The following SLC12A5 variants were observed in gnomAD, a reference collection of about 807,000 sequenced individuals.
The protein encoded by SLC12A5 is K-Cl cotransporter 2.
Under a neutral mutation model 124.0 loss-of-function variants are expected in SLC12A5, and 18 were observed. That is an observed-to-expected ratio of 0.15 (90% confidence interval 0.10 to 0.22). The LOEUF is 0.22. SLC12A5 is among the 10% of genes least tolerant of loss of function. SLC12A5 has a pLI of 1.00. For missense variants in SLC12A5, 867 were observed against 1,478.7 expected, an observed-to-expected ratio of 0.59 and a Z score of 6.78; for synonymous variants, 589 against 568.0, an observed-to-expected ratio of 1.04 and a Z score of -0.53.
chr20:46,032,100 G>T (rs1273156359), intron 1 of SLC12A5, among the ~76,000 whole-genome samples: 1 of 152,224 alleles, frequency 6.6e-6, no homozygotes. Context: ...TCATCTCCTG[G>T]CCCGGATCCG....
chr20:46,041,252 G>A, intron 7 of SLC12A5, 77 bp from the exon 8 acceptor site: 2 of 1,287,126 alleles, frequency 1.6e-6, no homozygotes, highest in Non-Finnish European at 2.2e-6. Flanking sequence ...TGTTTAAAAG[G>A]TCTCCCGGTG....
rs145033801 is a variant in SLC12A5 at position 46,034,988 on chromosome 20, C to T, written c.93C>T (p.Ser31=). The T allele has an allele frequency of 1.0e-4, 161 of 1,614,044 alleles. No homozygotes were observed. The African/African-American group carries it at 1.7e-3, about 18-fold the overall frequency. ...AGGAAAGCAGTCCCTTCATCAACAG[C>T]ACCGACACAGAGAAGGGAAAGGAGT... is the stretch of plus-strand genomic sequence containing the variant. ...NPKESSPFIN[S]TDTEKGKEYD... Residue 31 remains serine (S), a synonymous_variant, in exon 2 of 26, where the codon AGC becomes AGT. Transcript: ENST00000243964.
chr20:46,048,878 A>G (rs111596880), intron 16 of SLC12A5, among the ~76,000 whole-genome samples: 15 of 149,212 alleles, frequency 1.0e-4, no homozygotes, highest in Admixed American at 1.3e-4. Context: ...AAAAAAAAAA[A>G]GGGGGAAATT....
chr20:46,035,948 AC>A, intron 4 of SLC12A5, 25 bp downstream of exon 4: 3 of 1,588,348 alleles, frequency 1.9e-6, no homozygotes, highest in South Asian at 1.1e-5. Context: ...TCCCCTCACC[AC>A]CCCCTGACAG....
rs1472944643 is a variant in SLC12A5 at position 46,047,889 on chromosome 20, G to A, written c.1908-92G>A. 4 of 1,216,958 alleles carry A rather than the reference G, an allele frequency of 3.3e-6. No homozygotes were observed. In the African/African-American group the frequency reaches 6.0e-5, roughly 18 times the overall value. The allele number at this position is 1,216,958 out of a possible 1,614,324, so 75.4% of individuals were successfully genotyped here. A position where few individuals can be genotyped will look rare whatever the true frequency, so the allele number is the denominator to read the frequency against. On this transcript the variant is annotated intron_variant, in intron 15 of 25. Transcript: ENST00000243964. ...ATGTCCTTTCTGAGCCTGAGAGATG[G>A]CTCTGCCCTGGGGTAGCTGGTGCAG... is the stretch of plus-strand genomic sequence containing the variant.
chr20:46,025,535 C>T (rs1267329679), upstream of SLC12A5, among the ~76,000 whole-genome samples: 1 of 152,112 alleles, frequency 6.6e-6, no homozygotes, highest in African/African-American at 2.4e-5. Context: ...CTCAGTTCTC[C>T]AGGTGGGGTG....
upstream of SLC12A5, chr20:46,029,155 GGC>G: frequency 2.1e-6 from 3 of 1,404,882 alleles, no homozygotes; most frequent in East Asian, 2.8e-5. Context: ...GCTGAGAGGG[GGC>G]GCGCGCGGGT....
chr20:46,029,965 G>A (rs1347663898), intron 1 of SLC12A5, among the ~76,000 whole-genome samples: 3 of 151,016 alleles, frequency 2.0e-5, no homozygotes, highest in African/African-American at 4.9e-5. Context: ...CCATATGACA[G>A]CCCCCCGTCC....
chr20:46,047,379 C>T, intron 14 of SLC12A5, 75 bp from the exon 15 acceptor site: 1 of 1,577,452 alleles, frequency 6.3e-7, no homozygotes, highest in East Asian at 2.2e-5. Context: ...CCCCATCTCC[C>T]TCTTGCTTTC....
rs921825005 is a variant in SLC12A5, at chr20:46,045,062, G to A, written c.1491G>A (p.Gly497=). Residue 497 remains glycine, a synonymous_variant, in exon 12 of 26, where the codon GGG becomes GGA. Transcript: ENST00000243964. This position sits in a 1 kb window ranked among gnomAD's most constrained non-coding sequence, Gnocchi z 4.9. ...IVIGSFFSTC[G]AGLQSLTGAP... ...TCGGATCCTTCTTCTCCACCTGTGG[G>A]GCTGGGCTGCAGAGCCTCACGGGGG... 1 of 1,613,858 alleles carries A rather than the reference G, an allele frequency of 6.2e-7. No homozygotes were observed. The highest frequency in any genetic ancestry group is 1.3e-5 in the African/African-American group (1 of 74,936).
intron 11 of SLC12A5, 38 bp from the exon 12 acceptor site, chr20:46,044,928 C>T (rs369882995): frequency 4.5e-4 from 722 of 1,612,656 alleles, no homozygotes; most frequent in Non-Finnish European, 5.8e-4. Flanking sequence ...ATCCAGGCAG[C>T]ACTGCTCACC....
intron 16 of SLC12A5, among the ~76,000 whole-genome samples, chr20:46,049,260 G>A (rs1423511615): frequency 2.6e-5 from 4 of 152,192 alleles, no homozygotes; most frequent in Non-Finnish European, 5.9e-5. Context: ...ATGGGTAGAT[G>A]GATAAGTTTA....
At chr20:46,031,844 G>C (rs890123880) in intron 1 of SLC12A5, among the ~76,000 whole-genome samples, 20 of 152,174 alleles carry the variant, frequency 1.3e-4, no homozygotes, top group African/African-American at 4.8e-4. Context: ...CGCGCCGCTC[G>C]GCGCTCCCGC....
intron 18 of SLC12A5, 30 bp downstream of exon 18, chr20:46,051,900 AGGGGTGGGGCT>A: frequency 4.5e-6 from 1 of 221,776 alleles, no homozygotes; most frequent in East Asian, 9.2e-5. Context: ...GGGACAGAAG[AGGGGTGGGGCT>A]GGGGGCTGTA....
At position 46,022,065 on chromosome 20, in the gene SLC12A5, GCA is replaced by G. The variant is rs529953218; in HGVS notation, c.48+180_48+181del. The G allele has an allele frequency of 4.5e-4, 333 of 747,584 alleles. 10 individuals carry two copies. The South Asian group carries it at 8.6e-3, about 19-fold the overall frequency. 46.3% of individuals were successfully genotyped at this position (747,584 alleles called of 1,614,324 possible). ...AACCAAGGGGCCGGGGCCGCGGAACGCAAAGTGTGGAGGGGGAGGGGCCAAAC... is the reference window on the plus strand; with the variant it reads ...AACCAAGGGGCCGGGGCCGCGGAACGAAGTGTGGAGGGGGAGGGGCCAAAC... On this transcript the variant is annotated intron_variant, in intron 1 of 2. Coordinates refer to the SLC12A5 transcript ENST00000413737.
chr20:46,023,610 C>T (rs1384135490), downstream of SLC12A5: 2 of 396,426 alleles, frequency 5.0e-6, no homozygotes, highest in African/African-American at 4.1e-5. Flanking sequence ...TCATTTGCTT[C>T]TGGTGTTCTT....
upstream of SLC12A5, chr20:46,029,152 G>T (rs1600585665): frequency 7.1e-7 from 1 of 1,403,562 alleles, no homozygotes; most frequent in Non-Finnish European, 9.2e-7. Flanking sequence ...GCTGCTGAGA[G>T]GGGGCGCGCG....
intron 3 of SLC12A5, 46 bp downstream of exon 3, chr20:46,035,581 G>C (rs368235760): frequency 3.2e-6 from 5 of 1,574,160 alleles, no homozygotes; most frequent in Middle Eastern, 2.0e-4. Flanking sequence ...GGACGGATGG[G>C]GGGTGGGGGA....
chr20:46,050,178 G>T (rs2084635461), intron 17 of SLC12A5, among the ~76,000 whole-genome samples: 1 of 152,360 alleles, frequency 6.6e-6, no homozygotes, highest in South Asian at 2.1e-4. Flanking sequence ...ACAGTCTGGG[G>T]TTGACAAGGT....
Sources: gnomAD v4.1 joint callset for allele counts (sites outside exome capture counted in the v4.1 genomes callset) on GRCh38, gnomAD v4.1.1 for gene constraint, Gnocchi (gnomAD v3.1) non-coding constraint, MANE v1.5 for transcripts, NCBI Gene and HGNC (gene_info 2026-07-23, HGNC 2026-07-21) for gene names.